SSBP2: variants seen among roughly 807,000 people sequenced by gnomAD.
SSBP2 encodes the protein single-stranded DNA-binding protein 2.
SSBP2 carries 17 observed loss-of-function variants against 61.8 expected under a neutral mutation model. That is an observed-to-expected ratio of 0.28 (90% CI 0.19 to 0.41). The LOEUF is 0.41. Among genes scored for constraint, SSBP2 ranks in the 10% least tolerant of loss-of-function variants. The pLI is 1.00. For missense variants in SSBP2, 310 were observed against 458.7 expected, an observed-to-expected ratio of 0.68 and a Z score of 2.96; for synonymous variants, 139 against 141.3, an observed-to-expected ratio of 0.98 and a Z score of 0.12.
chr5:81,666,714 T>C lies in SSBP2; in HGVS notation c.63-16375A>G, dbSNP rs1015018432. 3.3e-5 allele frequency among the ~76,000 whole-genome samples: 5 copies of C among 152,220 alleles called. 1 individual carries two copies. Among genetic ancestry groups the C allele is most frequent in the African/African-American group, 9.6e-5 (4 of 41,466 alleles). On this transcript the variant is annotated intron_variant, in intron 1 of 16. Transcript: ENST00000320672. ...GGTATTACTGTGCTGGGTGCACTTG[T>C]TAATATGATTTGCTCTACTTCAATC...
At chr5:81,653,097 AC>A (rs1307692893) in intron 1 of SSBP2, among the ~76,000 whole-genome samples, 2 of 149,050 alleles carry the variant, frequency 1.3e-5, no homozygotes, top group South Asian at 2.1e-4. Context: ...TCCCTCCCTT[AC>A]CCCCTCACCC....
chr5:81,459,657 T>A (rs1231769179), intron 10 of SSBP2, among the ~76,000 whole-genome samples: 1 of 152,210 alleles, frequency 6.6e-6, no homozygotes, highest in Admixed American at 6.5e-5. Context: ...ACAAAAAATG[T>A]TTTCTTGCAT....
chr5:81,704,426 C>G (rs1026837539), intron 1 of SSBP2, among the ~76,000 whole-genome samples: 7 of 152,102 alleles, frequency 4.6e-5, no homozygotes, highest in African/African-American at 1.7e-4. Flanking sequence ...CATATGCATA[C>G]AGGCACACAT....
rs1744055292 is a variant in SSBP2 at position 81,598,868 on chromosome 5, TTA to T, written c.282+16603_282+16604del. Among the ~76,000 whole-genome samples, 8 of 152,300 alleles carry T rather than the reference TTA, an allele frequency of 5.3e-5. No individual in the cohort carries two copies. The South Asian group carries it at 1.7e-3, about 32-fold the overall frequency. On this transcript the variant is annotated intron_variant, in intron 4 of 16. Coordinates refer to ENST00000320672, the MANE Select transcript of SSBP2 (RefSeq NM_012446.5). ...TACTTAGTCTTCATTCTATAATGGT[TTA>T]TGATTTACCAAACCCAGATATGCTT...
intron 4 of SSBP2, among the ~76,000 whole-genome samples, chr5:81,588,520 A>C (rs954332672): frequency 6.6e-6 from 1 of 151,782 alleles, no homozygotes; most frequent in Non-Finnish European, 1.5e-5. Flanking sequence ...TGTTCAGACT[A>C]TCTTTTTTTT....
chr5:81,528,068 T>C (rs557261258), intron 4 of SSBP2, among the ~76,000 whole-genome samples: 301 of 152,106 alleles, frequency 2.0e-3, no homozygotes, highest in Non-Finnish European at 3.8e-3. Flanking sequence ...TAAATTCTAT[T>C]GTGGTACCTA....
rs61665389 is a variant in SSBP2, at chr5:81,523,342, A to G, written c.283-9625T>C. The stretch of plus-strand genomic sequence containing the variant: ...GCCATGTTTAATGGTGCAGAAACTG[A>G]GCTTCTTGCATTCTGTATTTAGCTT... On this transcript the variant is annotated intron_variant, in intron 4 of 16. Transcript: ENST00000320672. 5.1e-3 allele frequency among the ~76,000 whole-genome samples: 776 copies of G among 152,160 alleles called. 8 individuals are homozygous for G. The highest frequency in any genetic ancestry group is 0.018 in the African/African-American group (748 of 41,548).
At chr5:81,444,951 C>T (rs576906047) in intron 12 of SSBP2, among the ~76,000 whole-genome samples, 11 of 150,252 alleles carry the variant, frequency 7.3e-5, no homozygotes, top group Non-Finnish European at 1.2e-4. Flanking sequence ...GGTGAAACCC[C>T]GTCTCTACTA....
At chr5:81,749,062 T>C (rs1221834186) in intron 1 of SSBP2, among the ~76,000 whole-genome samples, 1 of 152,222 alleles carries the variant, frequency 6.6e-6, no homozygotes, top group African/African-American at 2.4e-5. Context: ...CTGACTAATG[T>C]GAAATTCAAA....
Position 81,445,781 on chromosome 5 carries a change from C to A in SSBP2, c.778+1087G>T, listed in dbSNP as rs115386883. Among the ~76,000 whole-genome samples the A allele has an allele frequency of 4.4e-3, 662 of 152,166 alleles. 5 individuals are homozygous for A. Among genetic ancestry groups the A allele is most frequent in the African/African-American group, 0.015 (608 of 41,546 alleles). On this transcript the variant is annotated intron_variant, in intron 12 of 16. Coordinates refer to ENST00000320672, the MANE Select transcript of SSBP2 (RefSeq NM_012446.5). ...GAGTTTAACAGTAAAACATCATAAT[C>A]AAAAATACTTTATAATTATTAAAAT... is the stretch of plus-strand genomic sequence containing the variant.
intron 1 of SSBP2, among the ~76,000 whole-genome samples, chr5:81,704,795 CAAAAA>C (rs34376110): frequency 1.9e-5 from 1 of 51,986 alleles, no homozygotes; most frequent in African/African-American, 7.6e-5. Context: ...GATTCCATCT[CAAAAA>C]AAAAAAAAAA....
chr5:81,593,921 A>G (rs1380905805), intron 4 of SSBP2, among the ~76,000 whole-genome samples: 3 of 152,262 alleles, frequency 2.0e-5, no homozygotes, highest in Non-Finnish European at 4.4e-5. Flanking sequence ...GGCTAGGAAG[A>G]AACTGCATCA....
chr5:81,613,976 T>G (rs1745724170), intron 4 of SSBP2, among the ~76,000 whole-genome samples: 1 of 152,226 alleles, frequency 6.6e-6, no homozygotes, highest in African/African-American at 2.4e-5. Flanking sequence ...CAAGAGCTAT[T>G]GTTCAGTGTG....
At chr5:81,554,335 A>G (rs1315306838) in intron 4 of SSBP2, among the ~76,000 whole-genome samples, 1 of 151,900 alleles carries the variant, frequency 6.6e-6, no homozygotes, top group Non-Finnish European at 1.5e-5. Flanking sequence ...TATTACTGAC[A>G]TTCTTTCATT....
At chr5:81,724,857 A>T (rs1755772311) in intron 1 of SSBP2, among the ~76,000 whole-genome samples, 1 of 152,182 alleles carries the variant, frequency 6.6e-6, no homozygotes, top group Admixed American at 6.5e-5. Flanking sequence ...ATAACAAATT[A>T]TAACAACATC....
In SSBP2 at chr5:81,440,655, A is replaced by G. The variant is rs753893465; in HGVS notation, c.850-19T>C. ...TTGGAAACTATTTTAAAAATGAAGA[A>G]AATCACTGTAATCATACTGAAAACA... On this transcript the variant is annotated intron_variant, in intron 13 of 16. Transcript: ENST00000320672. 6.5e-6 allele frequency: 10 copies of G among 1,547,700 alleles called. No individual in the cohort carries two copies. Among genetic ancestry groups the G allele is most frequent in the South Asian group, 1.2e-5 (1 of 85,590 alleles).
At chr5:81,548,201 T>G (rs1049937714) in intron 4 of SSBP2, among the ~76,000 whole-genome samples, 2 of 152,138 alleles carry the variant, frequency 1.3e-5, no homozygotes, top group Non-Finnish European at 2.9e-5. Flanking sequence ...CTAATGTATA[T>G]TAGGGTATAC....
chr5:81,471,947 CATACA>C (rs1481569767), intron 8 of SSBP2, among the ~76,000 whole-genome samples: 1 of 151,806 alleles, frequency 6.6e-6, no homozygotes, highest in Non-Finnish European at 1.5e-5. Flanking sequence ...ACAATACAAA[CATACA>C]ATACAACATA....
At chr5:81,499,989 T>G (rs879400903) in intron 5 of SSBP2, among the ~76,000 whole-genome samples, 3 of 152,232 alleles carry the variant, frequency 2.0e-5, no homozygotes, top group Non-Finnish European at 4.4e-5. Flanking sequence ...GGTAGTCCTT[T>G]CAAATTCCCA....
Sources: gnomAD v4.1 joint callset for allele counts (sites outside exome capture counted in the v4.1 genomes callset) on GRCh38, gnomAD v4.1.1 for gene constraint, MANE v1.5 for transcripts, NCBI Gene and HGNC (gene_info 2026-07-23, HGNC 2026-07-21) for gene names.